Variants in KPNA3 observed in about 807,000 individuals in gnomAD.
The protein encoded by KPNA3 is importin subunit alpha-4.
A neutral mutation model predicts 73.8 loss-of-function variants in KPNA3; 13 were observed. The ratio of observed to expected loss-of-function variants is 0.18; its 90% CI spans 0.11 to 0.28. The LOEUF (loss-of-function observed/expected upper bound fraction) is 0.28, where lower values mean the gene tolerates loss of function less well. Among genes scored for constraint, KPNA3 ranks in the 10% least tolerant of loss-of-function variants. The pLI, the probability that KPNA3 is intolerant of heterozygous loss-of-function variation, is 1.00. For missense variants in KPNA3, 360 were observed against 618.1 expected, an observed-to-expected ratio of 0.58 and a Z score of 4.43; for synonymous variants, 186 against 206.9, an observed-to-expected ratio of 0.90 and a Z score of 0.87.
Position 49,732,759 on chromosome 13 carries a change from T to C in KPNA3, c.222A>G (p.Glu74=). 1 of 1,576,664 alleles carries C rather than the reference T, an allele frequency of 6.3e-7. No homozygotes were observed. Among genetic ancestry groups the C allele is most frequent in the Non-Finnish European group, 8.7e-7 (1 of 1,154,160 alleles). ...ADFKAQNVTL[E]AILQNATSDN... is the part of the protein sequence containing the mutation. ...TTTAGTAACATACCTGCAATATAGC[T>C]TCTAGGGTTACATTTTGCTTAAAAA... Residue 74 remains glutamate, a synonymous_variant, in exon 4 of 17, where the codon GAA becomes GAG. Transcript: ENST00000261667.
chr13:49,725,070 T>C (rs1196015690), intron 7 of KPNA3, among the ~76,000 whole-genome samples: 1 of 152,214 alleles, frequency 6.6e-6, no homozygotes, highest in Non-Finnish European at 1.5e-5. Context: ...CATTTAACAA[T>C]AATTATTAGC....
chr13:49,737,699 C>A (rs949870143), intron 2 of KPNA3, among the ~76,000 whole-genome samples: 11 of 151,946 alleles, frequency 7.2e-5, no homozygotes, highest in African/African-American at 2.7e-4. Flanking sequence ...GCCTCCAACT[C>A]CCGGGCTCAA....
intron 10 of KPNA3, among the ~76,000 whole-genome samples, chr13:49,714,010 CAACA>C (rs1162766890): frequency 1.3e-5 from 2 of 152,090 alleles, no homozygotes; most frequent in Admixed American, 1.3e-4. Context: ...GGCCTAAACT[CAACA>C]AAATTTCTAA....
chr13:49,766,296 T>C (rs562225103), intron 1 of KPNA3, among the ~76,000 whole-genome samples: 3 of 152,334 alleles, frequency 2.0e-5, no homozygotes, highest in Non-Finnish European at 2.9e-5. Context: ...AGCAAGTTTA[T>C]TTTTGTAGTA....
At chr13:49,702,348 T>A in intron 16 of KPNA3, 38 bp downstream of exon 16, 1 of 1,066,406 alleles carries the variant, frequency 9.4e-7, no homozygotes, top group East Asian at 2.4e-5. Flanking sequence ...TAGGTTTTCA[T>A]TTACATGAAG....
chr13:49,750,407 C>A (rs1288967075), intron 1 of KPNA3, among the ~76,000 whole-genome samples: 1 of 151,810 alleles, frequency 6.6e-6, no homozygotes, highest in Non-Finnish European at 1.5e-5. Context: ...AATCCCAACA[C>A]TTTCGGAGGT....
intron 10 of KPNA3, among the ~76,000 whole-genome samples, chr13:49,718,013 CTA>C (rs932268827): frequency 1.3e-5 from 2 of 151,952 alleles, no homozygotes; most frequent in African/African-American, 4.8e-5. Flanking sequence ...CACTGTGAGC[CTA>C]TGGATTATAC....
At chr13:49,785,251 G>T (rs1340161880) in intron 1 of KPNA3, among the ~76,000 whole-genome samples, 2 of 152,180 alleles carry the variant, frequency 1.3e-5, no homozygotes, top group African/African-American at 2.4e-5. Flanking sequence ...TTTTTAAACA[G>T]GAAGGTGACA....
intron 2 of KPNA3, among the ~76,000 whole-genome samples, chr13:49,744,899 C>G (rs894499911): frequency 2.0e-5 from 3 of 152,076 alleles, no homozygotes; most frequent in Non-Finnish European, 4.4e-5. Flanking sequence ...AAAAAATAAG[C>G]TAATTTCAAT....
At chr13:49,725,830 T>C (rs926473116) in intron 6 of KPNA3, among the ~76,000 whole-genome samples, 17 of 152,108 alleles carry the variant, frequency 1.1e-4, no homozygotes, top group Non-Finnish European at 2.2e-4. Flanking sequence ...TTAGTAGAGA[T>C]AGGGTTTCAC....
intron 15 of KPNA3, among the ~76,000 whole-genome samples, chr13:49,702,943 A>C (rs1954161414): frequency 6.6e-6 from 1 of 151,354 alleles, no homozygotes; most frequent in Non-Finnish European, 1.5e-5. Context: ...ATCTCGGCTC[A>C]CTGCAAGCTC....
intron 11 of KPNA3, among the ~76,000 whole-genome samples, chr13:49,709,922 GA>G (rs1404481606): frequency 6.6e-6 from 1 of 152,014 alleles, no homozygotes; most frequent in East Asian, 1.9e-4. Flanking sequence ...AAATTGGTTG[GA>G]AAAAGATTCA....
At chr13:49,704,435 AAATAAAT>A (rs1954183960) in intron 15 of KPNA3, among the ~76,000 whole-genome samples, 9 of 1,038 alleles carry the variant, frequency 8.7e-3, no homozygotes, top group African/African-American at 0.025. Flanking sequence ...AATAAATAAA[AAATAAAT>A]AAATAAATAA....
At chr13:49,742,289 C>G (rs1485390993) in intron 2 of KPNA3, among the ~76,000 whole-genome samples, 1 of 152,136 alleles carries the variant, frequency 6.6e-6, no homozygotes, top group African/African-American at 2.4e-5. Flanking sequence ...TTAGACACCC[C>G]TTTCTTTTTT....
Position 49,792,446 on chromosome 13 carries a change from C to T in KPNA3, c.61G>A (p.Asp21Asn). 2 of 1,577,918 alleles carry T rather than the reference C, an allele frequency of 1.3e-6. No individual in the cohort carries two copies. Among genetic ancestry groups the T allele is most frequent in the African/African-American group, 1.4e-5 (1 of 70,798 alleles). ...CGCGGAAGCACACTCACTTCCACAT[C>T]GCGGCCCTTGTTCTTGAAGCTCTTG... ...RIKSFKNKGR[D>N]VETMRRHRNE... The change falls in exon 1 of 17, where the codon GAT becomes AAT. Residue 21 changes from aspartate to asparagine, a missense_variant. Asp to Asn is a conservative substitution (Grantham distance 23). This residue lies in a region of KPNA3 where 35 missense variants were observed against 30.0 expected (regional missense o/e 1.17). Transcript: ENST00000261667.
At chr13:49,789,421 T>C (rs954085211) in intron 1 of KPNA3, among the ~76,000 whole-genome samples, 4 of 152,192 alleles carry the variant, frequency 2.6e-5, no homozygotes, top group African/African-American at 9.7e-5. Flanking sequence ...CTCAACCCTC[T>C]CTCTACTCAA....
At chr13:49,743,504 A>T (rs1333670235) in intron 2 of KPNA3, among the ~76,000 whole-genome samples, 9 of 152,118 alleles carry the variant, frequency 5.9e-5, no homozygotes, top group African/African-American at 1.4e-4. Context: ...TTCTTTAGTT[A>T]ATTTCATTTT....
At chr13:49,719,730 C>T (rs1387678974) in intron 10 of KPNA3, 45 bp downstream of exon 10, 1 of 1,337,880 alleles carries the variant, frequency 7.5e-7, no homozygotes, top group Admixed American at 1.7e-5. Flanking sequence ...CCCTTTCTGT[C>T]CCATCAAGAG....
intron 1 of KPNA3, among the ~76,000 whole-genome samples, chr13:49,767,313 A>G (rs1228065170): frequency 6.6e-6 from 1 of 151,556 alleles, no homozygotes; most frequent in East Asian, 1.9e-4. Context: ...GCTACTCAGG[A>G]GGCTGAGGCA....
Sources: allele counts gnomAD v4.1 joint callset (sites outside exome capture counted in the v4.1 genomes callset), GRCh38; gene constraint gnomAD v4.1.1; regional missense constraint gnomAD v4.1.1; transcripts MANE v1.5; gene names NCBI Gene and HGNC (gene_info 2026-07-23, HGNC 2026-07-21).